Variants in KIAA0319 observed in about 807,000 individuals in gnomAD.
KIAA0319 encodes dyslexia-associated protein KIAA0319.
Under a neutral mutation model 108.4 loss-of-function variants are expected in KIAA0319, and 83 were observed. That is an observed-to-expected ratio of 0.77 (90% CI 0.64 to 0.92). The LOEUF (loss-of-function observed/expected upper bound fraction) is 0.92. Ranked by LOEUF, KIAA0319 falls within the 40% of genes least tolerant of loss-of-function variation. The pLI is 0.00. For missense variants in KIAA0319, 1,195 were observed against 1,322.4 expected, an observed-to-expected ratio of 0.90 and a Z score of 1.49; for synonymous variants, 484 against 510.4, an observed-to-expected ratio of 0.95 and a Z score of 0.70.
At chr6:24,610,346 T>C (rs1772112909) in intron 1 of KIAA0319, among the ~76,000 whole-genome samples, 1 of 152,178 alleles carries the variant, frequency 6.6e-6, no homozygotes, top group Non-Finnish European at 1.5e-5. Flanking sequence ...TCAATATCAT[T>C]AGCAATCAGG....
chr6:24,569,240 G>A (rs1383522075), intron 12 of KIAA0319, among the ~76,000 whole-genome samples: 2 of 152,118 alleles, frequency 1.3e-5, no homozygotes, highest in Non-Finnish European at 2.9e-5. Flanking sequence ...TTTCTTCTTT[G>A]AATAAAATTA....
At chr6:24,541,995 C>A (rs1417568245), downstream of KIAA0319, among the ~76,000 whole-genome samples, 1 of 152,190 alleles carries the variant, frequency 6.6e-6, no homozygotes, top group Non-Finnish European at 1.5e-5. Flanking sequence ...TAAAAAGTAG[C>A]TGAGTGTGGT....
At chr6:24,562,614 C>T (rs931481613) in intron 16 of KIAA0319, among the ~76,000 whole-genome samples, 12 of 152,182 alleles carry the variant, frequency 7.9e-5, no homozygotes, top group African/African-American at 1.9e-4. Context: ...CCTAAGTGGG[C>T]GAATCACTTG....
chr6:24,552,502 T>C (rs564358256), intron 19 of KIAA0319, among the ~76,000 whole-genome samples: 1 of 152,352 alleles, frequency 6.6e-6, no homozygotes, highest in East Asian at 1.9e-4. Context: ...TTTAGGCCTC[T>C]AAGTGCCTGC....
chr6:24,582,720 C>CTAGTCAGATGA (rs2127488597), intron 5 of KIAA0319, among the ~76,000 whole-genome samples: 1 of 149,902 alleles, frequency 6.7e-6, no homozygotes, highest in Admixed American at 6.6e-5. Context: ...TCCTAGGGGG[C>CTAGTCAGATGA]TACATCTGAC....
chr6:24,617,467 A>C (rs1458921632), intron 1 of KIAA0319, among the ~76,000 whole-genome samples: 1 of 152,194 alleles, frequency 6.6e-6, no homozygotes, highest in Non-Finnish European at 1.5e-5. Context: ...ACCTAGCTGT[A>C]CTCACAAGAG....
At chr6:24,576,274 T>C (rs1289380524) in intron 10 of KIAA0319, 94 bp downstream of exon 10, 2 of 935,676 alleles carry the variant, frequency 2.1e-6, no homozygotes, top group African/African-American at 1.7e-5. Context: ...AAATAAATTA[T>C]CTAAATTTAA....
At chr6:24,567,200 A>C (rs1764022219) in intron 13 of KIAA0319, among the ~76,000 whole-genome samples, 1 of 152,094 alleles carries the variant, frequency 6.6e-6, no homozygotes, top group African/African-American at 2.4e-5. Flanking sequence ...AAAAGAAAAA[A>C]AAAATTTGAG....
intron 11 of KIAA0319, among the ~76,000 whole-genome samples, chr6:24,571,265 G>C (rs974979609): frequency 1.3e-5 from 2 of 151,644 alleles, no homozygotes; most frequent in Admixed American, 1.3e-4. Context: ...AAAAGGGCCA[G>C]GTGTAGTGGC....
intron 1 of KIAA0319, among the ~76,000 whole-genome samples, chr6:24,622,443 T>C (rs1293577146): frequency 2.0e-5 from 3 of 152,078 alleles, no homozygotes; most frequent in South Asian, 2.1e-4. Context: ...ATTAGTATCT[T>C]TGGAAAAATT....
intron 3 of KIAA0319, among the ~76,000 whole-genome samples, chr6:24,589,946 TATG>T (rs1768211123): frequency 6.6e-6 from 1 of 152,332 alleles, no homozygotes; most frequent in Non-Finnish European, 1.5e-5. Flanking sequence ...AGTCTCATAA[TATG>T]ATAATAAAAT....
At chr6:24,549,451 C>A (rs931305128) in intron 20 of KIAA0319, among the ~76,000 whole-genome samples, 1 of 152,078 alleles carries the variant, frequency 6.6e-6, no homozygotes, top group Non-Finnish European at 1.5e-5. Flanking sequence ...GCCTTCCCAG[C>A]CTCCAGAACT....
chr6:24,621,379 T>TA (rs1375645978), intron 1 of KIAA0319, among the ~76,000 whole-genome samples: 1 of 152,062 alleles, frequency 6.6e-6, no homozygotes, highest in Non-Finnish European at 1.5e-5. Flanking sequence ...AAGTGTTCAT[T>TA]AAAAAGAGAA....
At chr6:24,618,334 T>G (rs376857937) in intron 1 of KIAA0319, among the ~76,000 whole-genome samples, 1 of 151,906 alleles carries the variant, frequency 6.6e-6, no homozygotes, top group African/African-American at 2.4e-5. Context: ...ACAGGCCAAG[T>G]AGAATGACTC....
chr6:24,555,016 G>A (rs181702890), intron 18 of KIAA0319, among the ~76,000 whole-genome samples: 133 of 152,214 alleles, frequency 8.7e-4, no homozygotes, highest in African/African-American at 3.0e-3. Flanking sequence ...TGAAAGTTCT[G>A]GCTTGGTTTT....
At position 24,544,525 on chromosome 6, in the gene KIAA0319, A is replaced by G. The variant is rs940577681; in HGVS notation, c.*2640T>C. On this transcript the variant is annotated 3_prime_UTR_variant, in exon 21 of 21. Coordinates refer to ENST00000378214, the MANE Select transcript of KIAA0319 (RefSeq NM_014809.4). ...CTCCTCCCCGCGCACAAAAGGTGGC[A>G]TCACTGGCTTGTTGAGTGGTACATT... 6.6e-6 allele frequency: 1 copy of G among 152,236 alleles called. No individual in the cohort carries two copies. The highest frequency in any genetic ancestry group is 2.4e-5 in the African/African-American group (1 of 41,458). 9.4% of individuals were successfully genotyped at this position (152,236 alleles called of 1,614,324 possible).
In KIAA0319 at chr6:24,564,217, CA is replaced by C; in HGVS notation, c.2415del (p.Val806TrpfsTer15). On this transcript the variant is annotated frameshift_variant, in exon 15 of 21. Coordinates refer to ENST00000378214, the MANE Select transcript of KIAA0319 (RefSeq NM_014809.4). LOFTEE classifies it high-confidence loss of function. ...AGGAACTCACCTGGCTGCACTTCCA[CA>C]GTGGCAGTGTCTGTGTCCGAGGCCC... is the stretch of plus-strand genomic sequence containing the variant. ...SQGASDTDTA[T>X]VEVQPDPRKS... 6.2e-7 allele frequency: 1 copy of C among 1,614,142 alleles called. No homozygotes were observed. The highest frequency in any genetic ancestry group is 8.5e-7 in the Non-Finnish European group (1 of 1,180,012).
Position 24,569,941 on chromosome 6 carries a change from A to T in KIAA0319, c.1953T>A (p.Asp651Glu). The change falls in exon 12 of 21, where the codon GAT becomes GAA. Residue 651 changes from aspartate to glutamate, a missense_variant. Coordinates refer to ENST00000378214, the MANE Select transcript of KIAA0319 (RefSeq NM_014809.4). ...AGTGGTAGAAGACAATGCCGTGGTC[A>T]TCGCTGCTGCTGCTCCCATCCAGGG... ...SATLDGSSSS[D>E]DHGIVFYHWE... is the part of the protein sequence containing the mutation. 6.2e-7 allele frequency: 1 copy of T among 1,614,196 alleles called. No homozygotes were observed. Among genetic ancestry groups the T allele is most frequent in the Non-Finnish European group, 8.5e-7 (1 of 1,180,004 alleles).
chr6:24,554,697 G>T lies in KIAA0319; in HGVS notation c.2858-66C>A, dbSNP rs757703212. The T allele has an allele frequency of 1.4e-4, 154 of 1,135,258 alleles. 1 individual carries two copies. Among genetic ancestry groups the T allele is most frequent in the Non-Finnish European group, 1.7e-4 (128 of 755,992 alleles). The allele number at this position is 1,135,258 out of a possible 1,614,324, so 70.3% of individuals were successfully genotyped here. ...ATTTGTAGAACAACTTTATTTTGAT[G>T]ATTCATAACAACTATTTCTGAATCC... On this transcript the variant is annotated intron_variant, in intron 18 of 20. Transcript: ENST00000378214.
Sources: allele counts gnomAD v4.1 joint callset (sites outside exome capture counted in the v4.1 genomes callset), GRCh38; gene constraint gnomAD v4.1.1; transcripts MANE v1.5; gene names NCBI Gene and HGNC (gene_info 2026-07-23, HGNC 2026-07-21).